Variants in SNX29 observed in about 807,000 individuals in gnomAD.
SNX29 encodes the protein sorting nexin-29.
In SNX29, 78 loss-of-function variants were observed where a neutral mutation model predicts 102.1. That is an observed-to-expected ratio of 0.76 (90% CI 0.64 to 0.92). The LOEUF (loss-of-function observed/expected upper bound fraction) is 0.92. Ranked by LOEUF, SNX29 falls within the 40% of genes least tolerant of loss-of-function variation. SNX29 has a pLI of 0.00. For synonymous variants in SNX29, 580 were observed against 414.5 expected (o/e 1.40, Z -4.85); for missense variants, 1,280 against 1,061.7 (o/e 1.21, Z -2.86).
intron 10 of SNX29, among the ~76,000 whole-genome samples, chr16:12,075,445 A>C (rs350240): frequency 0.85 from 128,820 of 152,206 alleles, 54,909 homozygotes; most frequent in African/African-American, 0.94. Flanking sequence ...CCCTGTTTGC[A>C]TGGGTATCAG....
intron 3 of SNX29, among the ~76,000 whole-genome samples, chr16:12,011,886 A>G (rs2056666251): frequency 6.6e-6 from 1 of 152,204 alleles, no homozygotes; most frequent in South Asian, 2.1e-4. Context: ...TGCTAGGGTT[A>G]TAGTCAGGAT....
chr16:12,156,536 A>G (rs902729084), intron 13 of SNX29, among the ~76,000 whole-genome samples: 16 of 152,162 alleles, frequency 1.1e-4, no homozygotes, highest in Non-Finnish European at 1.6e-4. Flanking sequence ...TCCTGCCCCC[A>G]GAGAGCACCA....
intron 15 of SNX29, among the ~76,000 whole-genome samples, chr16:12,294,855 C>T (rs971905254): frequency 5.9e-5 from 9 of 151,868 alleles, no homozygotes; most frequent in African/African-American, 1.7e-4. Flanking sequence ...CCTGTTTTCA[C>T]GCTGCTGATA....
chr16:12,263,855 G>A (rs920652047), intron 14 of SNX29, among the ~76,000 whole-genome samples: 1 of 152,148 alleles, frequency 6.6e-6, no homozygotes, highest in African/African-American at 2.4e-5. Flanking sequence ...TCCAATTTGT[G>A]GATGTTTCAT....
intron 18 of SNX29, among the ~76,000 whole-genome samples, chr16:12,419,570 C>A (rs35541684): frequency 1.3e-5 from 2 of 151,696 alleles, no homozygotes; most frequent in Non-Finnish European, 2.9e-5. Flanking sequence ...CAGCCCCCCC[C>A]CCCATCTTTC....
chr16:12,167,391 G>T (rs1324804591), intron 13 of SNX29, among the ~76,000 whole-genome samples: 1 of 152,116 alleles, frequency 6.6e-6, no homozygotes, highest in Non-Finnish European at 1.5e-5. Flanking sequence ...CAGAGCCTCT[G>T]TGGGTCCAGG....
At chr16:12,423,497 CTG>C (rs1051617557) in intron 18 of SNX29, among the ~76,000 whole-genome samples, 1 of 152,220 alleles carries the variant, frequency 6.6e-6, no homozygotes, top group Non-Finnish European at 1.5e-5. Context: ...AGGCAGATAA[CTG>C]TATCCAAATG....
intron 19 of SNX29, among the ~76,000 whole-genome samples, chr16:12,484,925 C>T (rs1942520311): frequency 2.0e-5 from 3 of 152,216 alleles, no homozygotes; most frequent in African/African-American, 7.2e-5. Flanking sequence ...GGACTGGAGT[C>T]TGTTTCTGTT....
At chr16:11,976,891 G>T in intron 1 of SNX29, 78 bp downstream of exon 1, 1 of 1,287,564 alleles carries the variant, frequency 7.8e-7, no homozygotes, top group South Asian at 2.3e-5. Flanking sequence ...TCCGGCCCCT[G>T]CGTCCTCGCG....
chr16:12,555,760 C>T (rs945345622), intron 20 of SNX29, among the ~76,000 whole-genome samples: 2 of 151,930 alleles, frequency 1.3e-5, no homozygotes, highest in Non-Finnish European at 1.5e-5. Context: ...CTCCAACTAG[C>T]CTTCAGGCTG....
chr16:12,153,975 T>A (rs1310551575), intron 13 of SNX29, among the ~76,000 whole-genome samples: 2 of 152,218 alleles, frequency 1.3e-5, no homozygotes, highest in Non-Finnish European at 2.9e-5. Context: ...CCTCCCGCTT[T>A]GAAAGTTAAA....
Position 12,013,500 on chromosome 16 carries a change from A to AAAAAATATATAT in SNX29, c.122+10458_122+10459insAAAATATATATA. ...GTCTCTACTGGGGGAAAAAAAAAAAAATATATATATATATATATATATATA... is the reference window on the plus strand; with the variant it reads ...GTCTCTACTGGGGGAAAAAAAAAAAAAAAAATATATATATATATATATATATATATATATATA... On this transcript the variant is annotated intron_variant, in intron 3 of 20. Transcript: ENST00000566228. Among the ~76,000 whole-genome samples, 53 of 31,602 alleles carry AAAAAATATATAT rather than the reference A, an allele frequency of 1.7e-3. 1 individual carries two copies. Among genetic ancestry groups the AAAAAATATATAT allele is most frequent in the Admixed American group, 2.8e-3 (5 of 1,782 alleles). The allele number at this position is 31,602 out of a possible 152,430, so 20.7% of individuals were successfully genotyped here.
intron 14 of SNX29, among the ~76,000 whole-genome samples, chr16:12,211,560 G>A (rs1030852298): frequency 2.0e-5 from 3 of 151,794 alleles, no homozygotes; most frequent in Non-Finnish European, 4.4e-5. Context: ...CAATAGGGGT[G>A]TGTGTGTGTG....
intron 16 of SNX29, among the ~76,000 whole-genome samples, chr16:12,373,330 A>C (rs1196981077): frequency 6.6e-6 from 1 of 152,068 alleles, no homozygotes; most frequent in African/African-American, 2.4e-5. Context: ...GGGTTTCACT[A>C]TATGGCCCAG....
At chr16:12,351,688 A>G (rs1161425498) in intron 15 of SNX29, among the ~76,000 whole-genome samples, 3 of 152,106 alleles carry the variant, frequency 2.0e-5, no homozygotes, top group South Asian at 2.1e-4. Flanking sequence ...TTTGGAGATC[A>G]TCTTTCCTGA....
chr16:12,266,903 A>T (rs1220949058), intron 14 of SNX29, among the ~76,000 whole-genome samples: 1 of 152,084 alleles, frequency 6.6e-6, no homozygotes, highest in Non-Finnish European at 1.5e-5. Flanking sequence ...AGCTGGGATT[A>T]CAGACACCCG....
intron 3 of SNX29, among the ~76,000 whole-genome samples, chr16:12,026,275 C>G (rs950107231): frequency 1.3e-5 from 2 of 152,200 alleles, no homozygotes; most frequent in African/African-American, 4.8e-5. Flanking sequence ...CCATCTCATC[C>G]TGTCTTATTT....
chr16:12,211,485 A>G (rs1389906935), intron 14 of SNX29, among the ~76,000 whole-genome samples: 5 of 152,170 alleles, frequency 3.3e-5, no homozygotes, highest in Non-Finnish European at 7.4e-5. Flanking sequence ...GTGAGAAACC[A>G]AGGCTCTGAG....
chr16:12,309,283 G>C (rs1277760454), intron 15 of SNX29, among the ~76,000 whole-genome samples: 1 of 152,154 alleles, frequency 6.6e-6, no homozygotes, highest in African/African-American at 2.4e-5. Flanking sequence ...TGGTGCTCAA[G>C]TTGGGGAGAT....
Sources: gnomAD v4.1 joint callset for allele counts (sites outside exome capture counted in the v4.1 genomes callset) on GRCh38, gnomAD v4.1.1 for gene constraint, MANE v1.5 for transcripts, NCBI Gene and HGNC (gene_info 2026-07-23, HGNC 2026-07-21) for gene names.